PIGH: variants seen among roughly 807,000 people sequenced by gnomAD.
The protein encoded by PIGH is phosphatidylinositol N-acetylglucosaminyltransferase subunit H.
Under a neutral mutation model 20.1 loss-of-function variants are expected in PIGH, and 11 were observed. That is an observed-to-expected ratio of 0.55 (90% CI 0.34 to 0.91). PIGH has a LOEUF of 0.91. Among genes scored for constraint, PIGH ranks in the 40% least tolerant of loss-of-function variants. The probability of loss-of-function intolerance (pLI) is 0.02; values close to 1 mark genes in which losing one functional copy is unlikely to be tolerated. For missense variants in PIGH, 189 were observed against 233.6 expected (o/e 0.81, Z 1.24); for synonymous variants, 72 against 93.1 (o/e 0.77, Z 1.31).
intron 3 of PIGH, among the ~76,000 whole-genome samples, chr14:67,591,105 A>C (rs1413510042): frequency 6.6e-6 from 1 of 152,194 alleles, no homozygotes; most frequent in African/African-American, 2.4e-5. Context: ...AAATAGATAC[A>C]AATACATAAT....
intron 3 of PIGH, among the ~76,000 whole-genome samples, chr14:67,591,637 T>C (rs1046643290): frequency 6.6e-6 from 1 of 152,138 alleles, no homozygotes; most frequent in African/African-American, 2.4e-5. Flanking sequence ...GCTCAAGCAA[T>C]CCTCCCACCT....
At chr14:67,596,295 ATTTTTTTTTTT>A (rs772451900) in intron 1 of PIGH, among the ~76,000 whole-genome samples, 2 of 60,228 alleles carry the variant, frequency 3.3e-5, no homozygotes, top group Non-Finnish European at 5.5e-5. Flanking sequence ...CGCCCAGCTA[ATTTTTTTTTTT>A]TTTTTTTTTT....
Position 67,600,250 on chromosome 14 carries a change from C to T in PIGH, c.-47G>A. On this transcript the variant is annotated 5_prime_UTR_variant, in exon 1 of 4. Transcript: ENST00000216452. ...GCACCGCGCGGCGCTGCACTGCGCT[C>T]GCCGGCCCTGGCCGTCTCGCCCGCT... is the stretch of plus-strand genomic sequence containing the variant. The T allele has an allele frequency of 6.8e-7, 1 of 1,471,360 alleles. No individual in the cohort carries two copies. Among genetic ancestry groups the T allele is most frequent in the Non-Finnish European group, 9.0e-7 (1 of 1,109,104 alleles). The allele number at this position is 1,471,360 out of a possible 1,614,324, so 91.1% of individuals were successfully genotyped here.
At position 67,590,025 on chromosome 14, in the gene PIGH, T is replaced by C. The variant is rs1211223522; in HGVS notation, c.*55A>G. 2.7e-6 allele frequency: 4 copies of C among 1,508,434 alleles called. No homozygotes were observed. In the African/African-American group the frequency reaches 4.2e-5, roughly 16 times the overall value. 93.4% of individuals were successfully genotyped at this position (1,508,434 alleles called of 1,614,324 possible). A position where few individuals can be genotyped will look rare whatever the true frequency, so the allele number is the denominator to read the frequency against. On this transcript the variant is annotated 3_prime_UTR_variant, in exon 4 of 4. Coordinates refer to ENST00000216452, the MANE Select transcript of PIGH (RefSeq NM_004569.5). ...TTGGAGTACGGAAAACCAGCCCCTATGGCTTAAGAGTCATCTCCCATGGAA... is the reference window on the plus strand; with the variant it reads ...TTGGAGTACGGAAAACCAGCCCCTACGGCTTAAGAGTCATCTCCCATGGAA...
At chr14:67,592,831 G>A (rs2036400941) in intron 2 of PIGH, 113 bp from the exon 3 acceptor site, 1 of 702,646 alleles carries the variant, frequency 1.4e-6, no homozygotes, top group African/African-American at 1.8e-5. Context: ...TGTTGCCCAA[G>A]CTGCAGTGCA....
rs578116592 is a variant in PIGH at position 67,596,277 on chromosome 14, C to T, written c.181-2325G>A. Among the ~76,000 whole-genome samples the T allele has an allele frequency of 1.1e-4, 16 of 149,898 alleles. No individual in the cohort carries two copies. The East Asian group carries it at 1.8e-3, about 17-fold the overall frequency. On this transcript the variant is annotated intron_variant, in intron 1 of 3. Transcript: ENST00000216452. ...CCTAGTAGCTGGGATTACAGGCACC[C>T]GCCACCACGCCCAGCTAATTTTTTT...
chr14:67,598,083 T>C (rs1235014335), intron 1 of PIGH, among the ~76,000 whole-genome samples: 1 of 152,192 alleles, frequency 6.6e-6, no homozygotes, highest in Non-Finnish European at 1.5e-5. Context: ...ATTCAAACAA[T>C]TCAATATTAA....
chr14:67,597,760 T>TAAAAAA (rs771735104), intron 1 of PIGH, among the ~76,000 whole-genome samples: 23 of 58,258 alleles, frequency 3.9e-4, no homozygotes, highest in Non-Finnish European at 5.9e-4. Flanking sequence ...AAGAAAAGTT[T>TAAAAAA]AAAAAAAAAA....
chr14:67,590,004 A>C lies in PIGH; in HGVS notation c.*76T>G. On this transcript the variant is annotated 3_prime_UTR_variant, in exon 4 of 4. Transcript: ENST00000216452. ...GGACTGTGTCCACCTGATGGTTTGGAGTACGGAAAACCAGCCCCTATGGCT... is the reference window on the plus strand; with the variant it reads ...GGACTGTGTCCACCTGATGGTTTGGCGTACGGAAAACCAGCCCCTATGGCT... 2 of 1,477,094 alleles carry C rather than the reference A, an allele frequency of 1.4e-6. No individual in the cohort carries two copies. The highest frequency in any genetic ancestry group is 2.7e-5 in the South Asian group (2 of 72,834). 91.5% of individuals were successfully genotyped at this position (1,477,094 alleles called of 1,614,324 possible).
chr14:67,590,248 AATT>A, intron 3 of PIGH, 76 bp from the exon 4 acceptor site: 5 of 1,178,326 alleles, frequency 4.2e-6, no homozygotes, highest in South Asian at 3.5e-5. Flanking sequence ...TCCACTTGCA[AATT>A]TTTTTTTTTT....
intron 1 of PIGH, 77 bp from the exon 2 acceptor site, chr14:67,594,029 A>T: frequency 2.2e-6 from 2 of 923,218 alleles, no homozygotes; most frequent in Non-Finnish European, 3.4e-6. Context: ...GGGAACATGC[A>T]TGGAGGAAAA....
At chr14:67,591,923 T>C (rs2036377940) in intron 3 of PIGH, 2 of 151,736 alleles carry the variant, frequency 1.3e-5, no homozygotes, top group South Asian at 4.1e-4. Context: ...TAAACTGATA[T>C]TTCAATATAT....
rs889739503 is a variant in PIGH at position 67,589,897 on chromosome 14, T to C, written c.*183A>G. 21 of 1,264,328 alleles carry C rather than the reference T, an allele frequency of 1.7e-5. No individual in the cohort carries two copies. In the African/African-American group the frequency reaches 1.7e-4, roughly 10 times the overall value. The allele number at this position is 1,264,328 out of a possible 1,614,324, so 78.3% of individuals were successfully genotyped here. A position where few individuals can be genotyped will look rare whatever the true frequency, so the allele number is the denominator to read the frequency against. On this transcript the variant is annotated 3_prime_UTR_variant, in exon 4 of 4. Coordinates refer to ENST00000216452, the MANE Select transcript of PIGH (RefSeq NM_004569.5). ...GCAAAACCTTACAAGGAAAACACTA[T>C]AATACACGGAAATATACTGAGTTAG...
chr14:67,591,797 A>G (rs1266805716), intron 3 of PIGH: 1 of 149,456 alleles, frequency 6.7e-6, no homozygotes, highest in Non-Finnish European at 1.5e-5. Flanking sequence ...CCTCCCCCAC[A>G]GTGTTGGGAT....
chr14:67,590,991 C>T (rs1056160899), intron 3 of PIGH, among the ~76,000 whole-genome samples: 2 of 151,120 alleles, frequency 1.3e-5, no homozygotes, highest in Non-Finnish European at 3.0e-5. Flanking sequence ...AATGTAATAA[C>T]CAAAATTAAA....
At chr14:67,593,055 G>A (rs1488523452) in intron 2 of PIGH, among the ~76,000 whole-genome samples, 3 of 152,220 alleles carry the variant, frequency 2.0e-5, no homozygotes, top group East Asian at 3.8e-4. Flanking sequence ...CCAAAGTGCT[G>A]GGATTACAGG....
intron 3 of PIGH, among the ~76,000 whole-genome samples, chr14:67,591,472 G>C (rs2036367585): frequency 6.6e-6 from 1 of 152,152 alleles, no homozygotes; most frequent in Non-Finnish European, 1.5e-5. Context: ...AGGGTTAACT[G>C]TATACATAAA....
intron 1 of PIGH, among the ~76,000 whole-genome samples, chr14:67,597,145 C>A (rs991370582): frequency 6.6e-6 from 1 of 152,182 alleles, no homozygotes; most frequent in Non-Finnish European, 1.5e-5. Flanking sequence ...ATGAGACAGA[C>A]CCCACAGAAC....
intron 1 of PIGH, 79 bp downstream of exon 1, chr14:67,599,945 G>A (rs945693920): frequency 1.6e-6 from 2 of 1,237,928 alleles, no homozygotes; most frequent in East Asian, 2.9e-5. Context: ...AGAGGTCCGG[G>A]CTCGACCAAA....
Sources: gnomAD v4.1 joint callset for allele counts (sites outside exome capture counted in the v4.1 genomes callset) on GRCh38, gnomAD v4.1.1 for gene constraint, MANE v1.5 for transcripts, NCBI Gene and HGNC (gene_info 2026-07-23, HGNC 2026-07-21) for gene names.